OLAH: variants seen among roughly 807,000 people sequenced by gnomAD.
OLAH encodes the protein oleoyl-ACP hydrolase, also known as S-acyl fatty acid synthase thioesterase, medium chain.
Under a neutral mutation model 27.8 loss-of-function variants are expected in OLAH, and 33 were observed. That is an observed-to-expected ratio of 1.19 (90% CI 0.90 to 1.59). OLAH has a LOEUF of 1.59. Among genes scored for constraint, OLAH ranks in the 40% most tolerant of loss-of-function variants. OLAH has a pLI of 0.00. For missense variants in OLAH, 359 were observed against 310.8 expected (o/e 1.16, Z -1.17); for synonymous variants, 120 against 102.9 (o/e 1.17, Z -1.01).
chr10:15,045,576 C>T (rs901261776), intron 1 of OLAH, among the ~76,000 whole-genome samples: 9 of 152,110 alleles, frequency 5.9e-5, no homozygotes, highest in Non-Finnish European at 1.2e-4. Context: ...CAGATGGGCT[C>T]CCCACCCTCT....
chr10:15,054,890 C>G (rs1844217027), intron 3 of OLAH, among the ~76,000 whole-genome samples: 1 of 152,048 alleles, frequency 6.6e-6, no homozygotes, highest in Non-Finnish European at 1.5e-5. Context: ...TCTTTCGTTT[C>G]CACTATTTCT....
intron 3 of OLAH, among the ~76,000 whole-genome samples, chr10:15,055,647 T>G (rs1844231576): frequency 6.6e-6 from 1 of 152,162 alleles, no homozygotes; most frequent in Non-Finnish European, 1.5e-5. Flanking sequence ...GTTCAATACA[T>G]ACAATTAAAG....
At chr10:15,042,068 A>G (rs569872453), upstream of OLAH, among the ~76,000 whole-genome samples, 3 of 152,170 alleles carry the variant, frequency 2.0e-5, no homozygotes, top group South Asian at 2.1e-4. Flanking sequence ...CTTTCAGTGC[A>G]TCGGTAATTG....
rs200144758 is a variant in OLAH, at chr10:15,047,327, C to G, written c.32+7C>G. On this transcript the variant is annotated splice_region_variant and intron_variant, in intron 2 of 7. Transcript: ENST00000378228. ...ACCAACCTAAGAGAACCAGGCAGGC[C>G]ACCCCTTGTGCCACCAGGCTCTTCC... is the stretch of plus-strand genomic sequence containing the variant. 4.3e-6 allele frequency: 7 copies of G among 1,613,366 alleles called. No homozygotes were observed. Among genetic ancestry groups the G allele is most frequent in the South Asian group, 1.1e-5 (1 of 90,864 alleles).
In OLAH at chr10:15,064,648, G is replaced by T. The variant is rs1209955117; in HGVS notation, c.402+146G>T. ...CTAATAGGTTGGTGCAAAAGCCATT[G>T]AGGTTTTTGCCACTACTTTCTTTTT... On this transcript the variant is annotated intron_variant, in intron 5 of 7. Transcript: ENST00000378228. The T allele has an allele frequency of 7.2e-6, 4 of 553,650 alleles. No individual in the cohort carries two copies. In the East Asian group the frequency reaches 1.3e-4, roughly 19 times the overall value. The allele number at this position is 553,650 out of a possible 1,614,324, so 34.3% of individuals were successfully genotyped here.
intron 3 of OLAH, among the ~76,000 whole-genome samples, chr10:15,060,465 T>C (rs907834346): frequency 6.6e-6 from 1 of 152,196 alleles, no homozygotes; most frequent in South Asian, 2.1e-4. Flanking sequence ...CCACTATGCC[T>C]GGCCAACATG....
chr10:15,071,131 A>G (rs139690001), intron 6 of OLAH, among the ~76,000 whole-genome samples: 56 of 152,078 alleles, frequency 3.7e-4, no homozygotes, highest in African/African-American at 1.3e-3. Flanking sequence ...TGCTGGCTCT[A>G]TGCCCTTTGA....
chr10:15,072,976 C>G, intron 7 of OLAH, 111 bp from the exon 8 acceptor site: 1 of 949,134 alleles, frequency 1.1e-6, no homozygotes, highest in Non-Finnish European at 1.6e-6. Context: ...GAACATAAGG[C>G]CTTGAAAGTA....
chr10:15,064,631 T>C (rs755834328), intron 5 of OLAH, 129 bp downstream of exon 5: 57 of 581,540 alleles, frequency 9.8e-5, no homozygotes, highest in Non-Finnish European at 1.4e-4. Flanking sequence ...TACTAATAGG[T>C]TGGTGCAAAA....
intron 3 of OLAH, 91 bp from the exon 4 acceptor site, chr10:15,061,633 T>G: frequency 7.9e-7 from 1 of 1,257,966 alleles, no homozygotes; most frequent in Non-Finnish European, 1.1e-6. Flanking sequence ...TCTTTGAAAT[T>G]TTTTCCATCA....
At chr10:15,038,763 C>T (rs770506103) in intron 1 of OLAH, 4 of 152,080 alleles carry the variant, frequency 2.6e-5, no homozygotes, top group African/African-American at 7.3e-5. Context: ...AACGGACTAA[C>T]GCAGAGACAT....
chr10:15,061,188 C>G (rs1359255052), intron 3 of OLAH, among the ~76,000 whole-genome samples: 1 of 152,120 alleles, frequency 6.6e-6, no homozygotes, highest in Non-Finnish European at 1.5e-5. Flanking sequence ...ACTTTTTCCC[C>G]CATCCAGAGC....
At chr10:15,035,179 C>G (rs1183466985) in intron 1 of OLAH, among the ~76,000 whole-genome samples, 1 of 152,064 alleles carries the variant, frequency 6.6e-6, no homozygotes, top group Non-Finnish European at 1.5e-5. Flanking sequence ...ATTCTAGGAG[C>G]ATAGAGAAGC....
At chr10:15,036,202 T>C (rs547929231) in intron 1 of OLAH, among the ~76,000 whole-genome samples, 2 of 152,312 alleles carry the variant, frequency 1.3e-5, no homozygotes, top group Admixed American at 1.3e-4. Context: ...TATTTATTTA[T>C]TTTTTAAAGA....
intron 3 of OLAH, among the ~76,000 whole-genome samples, chr10:15,057,206 AG>A (rs1844262785): frequency 6.6e-6 from 1 of 152,234 alleles, no homozygotes; most frequent in African/African-American, 2.4e-5. Flanking sequence ...TCAATTCTAA[AG>A]TATTTTGTCA....
intron 6 of OLAH, among the ~76,000 whole-genome samples, chr10:15,070,537 T>C (rs1036229208): frequency 6.6e-6 from 1 of 152,182 alleles, no homozygotes; most frequent in African/African-American, 2.4e-5. Flanking sequence ...CAGGCTGGAG[T>C]GCAGTGGTGT....
intron 3 of OLAH, among the ~76,000 whole-genome samples, chr10:15,056,540 A>AT (rs1173131146): frequency 2.0e-5 from 3 of 152,078 alleles, no homozygotes; most frequent in South Asian, 2.1e-4. Flanking sequence ...AAGATTAGAC[A>AT]TTTTTTTCAC....
At chr10:15,047,056 C>G (rs563138977) in intron 1 of OLAH, 70 bp from the exon 2 acceptor site, 1 of 463,668 alleles carries the variant, frequency 2.2e-6, no homozygotes, top group East Asian at 3.3e-5. Context: ...CCTTTGTCAT[C>G]ACCACTGTCA....
At chr10:15,058,960 C>G (rs1034354944) in intron 3 of OLAH, among the ~76,000 whole-genome samples, 11 of 140,490 alleles carry the variant, frequency 7.8e-5, no homozygotes, top group African/African-American at 2.9e-4. Flanking sequence ...TCCCTCCCTC[C>G]TTCCCTCCCT....
Sources: allele counts gnomAD v4.1 joint callset (sites outside exome capture counted in the v4.1 genomes callset), GRCh38; gene constraint gnomAD v4.1.1; transcripts MANE v1.5; gene names NCBI Gene and HGNC (gene_info 2026-07-23, HGNC 2026-07-21).